MEI4: variants seen among roughly 807,000 people sequenced by gnomAD.
MEI4 encodes meiosis-specific protein MEI4.
A neutral mutation model predicts 31.4 loss-of-function variants in MEI4; 27 were observed. That is an observed-to-expected ratio of 0.86 (90% CI 0.63 to 1.19). MEI4 has a LOEUF of 1.19. Among genes scored for constraint, MEI4 ranks in the 50% most tolerant of loss-of-function variants. The pLI is 0.00. For missense variants in MEI4, 329 were observed against 398.9 expected (o/e 0.82, Z 1.49); for synonymous variants, 122 against 145.4 (o/e 0.84, Z 1.16).
rs574013086 is a variant in MEI4 at position 77,791,317 on chromosome 6, G to A, written c.768+29652G>A. On this transcript the variant is annotated intron_variant, in intron 3 of 4. Coordinates refer to ENST00000684080, the MANE Select transcript of MEI4 (RefSeq NM_001322247.2). ...CAATGATAGACTGGATTAAGAAAAT[G>A]TGGCACATATACACCATGGAATACT... 2.0e-5 allele frequency among the ~76,000 whole-genome samples: 3 copies of A among 152,172 alleles called. No homozygotes were observed. The East Asian group carries it at 5.8e-4, about 29-fold the overall frequency.
chr6:77,712,340 G>A (rs1426021738), intron 2 of MEI4, among the ~76,000 whole-genome samples: 1 of 152,038 alleles, frequency 6.6e-6, no homozygotes, highest in Non-Finnish European at 1.5e-5. Flanking sequence ...AAATAATGGG[G>A]ATATTATCTT....
At chr6:77,694,074 T>C (rs1187558840) in intron 2 of MEI4, among the ~76,000 whole-genome samples, 2 of 151,976 alleles carry the variant, frequency 1.3e-5, no homozygotes, top group Non-Finnish European at 2.9e-5. Context: ...AAGTATGATA[T>C]GCTTTTTCTT....
At chr6:77,709,900 A>G (rs757510768) in intron 2 of MEI4, among the ~76,000 whole-genome samples, 20 of 152,170 alleles carry the variant, frequency 1.3e-4, no homozygotes, top group Non-Finnish European at 1.6e-4. Flanking sequence ...TGTGAACCAC[A>G]ATGCATCTTC....
At chr6:77,756,149 A>G (rs986522775) in intron 2 of MEI4, among the ~76,000 whole-genome samples, 3 of 152,168 alleles carry the variant, frequency 2.0e-5, no homozygotes, top group African/African-American at 4.8e-5. Context: ...TTAAAGGGAC[A>G]AGGATATATT....
chr6:77,676,807 A>C (rs566764894), intron 1 of MEI4, among the ~76,000 whole-genome samples: 1 of 152,054 alleles, frequency 6.6e-6, no homozygotes, highest in South Asian at 2.1e-4. Flanking sequence ...TTCTCTTTCC[A>C]CCATTTCCCC....
intron 3 of MEI4, among the ~76,000 whole-genome samples, chr6:77,771,802 G>A (rs1768326040): frequency 6.6e-6 from 1 of 151,984 alleles, no homozygotes; most frequent in South Asian, 2.1e-4. Context: ...GTTGGTAGGA[G>A]GAGGGAGAAG....
At chr6:77,802,119 G>T (rs528270700) in intron 3 of MEI4, among the ~76,000 whole-genome samples, 2 of 152,196 alleles carry the variant, frequency 1.3e-5, no homozygotes, top group South Asian at 4.1e-4. Flanking sequence ...CTCTTTGTAG[G>T]TCTCTAAGGA....
intron 4 of MEI4, among the ~76,000 whole-genome samples, chr6:77,891,405 A>G (rs1162650355): frequency 6.6e-6 from 1 of 151,930 alleles, no homozygotes; most frequent in African/African-American, 2.4e-5. Flanking sequence ...TCTATTGTTG[A>G]AGATGTCTTT....
At position 77,847,338 on chromosome 6, in the gene MEI4, TTGTC is replaced by T. The variant is rs887867775; in HGVS notation, c.900+18280_900+18283del. Among the ~76,000 whole-genome samples, 1 of 152,140 alleles carries T rather than the reference TTGTC, an allele frequency of 6.6e-6. No homozygotes were observed. The highest frequency in any genetic ancestry group is 1.5e-5 in the Non-Finnish European group (1 of 68,024). The stretch of plus-strand genomic sequence containing the variant: ...ATAAAGCCAATTATTTCCTCTGTAT[TTGTC>T]TGTGCTAGCAGTAAAATGTCAATTA... On this transcript the variant is annotated intron_variant, in intron 4 of 4. Coordinates refer to ENST00000684080, the MANE Select transcript of MEI4 (RefSeq NM_001322247.2). The surrounding 1 kb of genome is among the most constrained non-coding windows in gnomAD (Gnocchi z 4.6).
At chr6:77,857,292 T>A (rs1240742324) in intron 4 of MEI4, among the ~76,000 whole-genome samples, 1 of 152,210 alleles carries the variant, frequency 6.6e-6, no homozygotes, top group Non-Finnish European at 1.5e-5. Context: ...AATTTAATTT[T>A]GTTTGCTATT....
Position 77,747,337 on chromosome 6 carries a change from A to G in MEI4, c.233-13793A>G, listed in dbSNP as rs150573405. 4.7e-4 allele frequency among the ~76,000 whole-genome samples: 72 copies of G among 152,232 alleles called. No homozygotes were observed. In the East Asian group the frequency reaches 6.0e-3, roughly 13 times the overall value. ...CCATCTAAAAAAAAAGAAAAAGAGAAAGGACTGCCTGGAGACTGTATAGTT... is the reference window on the plus strand; with the variant it reads ...CCATCTAAAAAAAAAGAAAAAGAGAGAGGACTGCCTGGAGACTGTATAGTT... On this transcript the variant is annotated intron_variant, in intron 2 of 4. Transcript: ENST00000684080.
chr6:77,837,146 C>G (rs1770239472), intron 4 of MEI4, among the ~76,000 whole-genome samples: 1 of 151,996 alleles, frequency 6.6e-6, no homozygotes, highest in African/African-American at 2.4e-5. Flanking sequence ...GCTCAGCTGG[C>G]AACGAAGATA....
At chr6:77,906,246 T>A (rs1010021017) in intron 4 of MEI4, among the ~76,000 whole-genome samples, 3 of 152,170 alleles carry the variant, frequency 2.0e-5, no homozygotes, top group Non-Finnish European at 2.9e-5. Context: ...TGGTTTTTAA[T>A]GTTTCTTGTT....
chr6:77,790,701 A>C (rs955521249), intron 3 of MEI4, among the ~76,000 whole-genome samples: 1 of 152,190 alleles, frequency 6.6e-6, no homozygotes, highest in Admixed American at 6.6e-5. Context: ...TCATGATCAT[A>C]CTGTGAAAAG....
chr6:77,679,812 C>T (rs1768918758), intron 1 of MEI4, among the ~76,000 whole-genome samples: 1 of 151,132 alleles, frequency 6.6e-6, no homozygotes, highest in South Asian at 2.1e-4. Flanking sequence ...GTGATCTCGG[C>T]TCACTGCAAC....
At chr6:77,761,717 C>T in intron 3 of MEI4, 52 bp downstream of exon 3, 1 of 1,148,646 alleles carries the variant, frequency 8.7e-7, no homozygotes, top group Non-Finnish European at 1.1e-6. Flanking sequence ...TTTTAGTGAA[C>T]ATCTCTTTGG....
chr6:77,696,053 C>T (rs1331975808), intron 2 of MEI4, among the ~76,000 whole-genome samples: 28 of 151,956 alleles, frequency 1.8e-4, no homozygotes, highest in East Asian at 3.9e-4. Context: ...ACTCATGATT[C>T]GGCTCTCTGT....
At chr6:77,815,964 T>C (rs970762023) in intron 3 of MEI4, among the ~76,000 whole-genome samples, 13 of 151,194 alleles carry the variant, frequency 8.6e-5, no homozygotes, top group Middle Eastern at 3.2e-3. Flanking sequence ...TGAGTGCTTA[T>C]AGGCAGAGCC....
chr6:77,770,439 A>G (rs550986753), intron 3 of MEI4, among the ~76,000 whole-genome samples: 2 of 152,268 alleles, frequency 1.3e-5, no homozygotes, highest in Admixed American at 6.5e-5. Context: ...TATACTGCCC[A>G]AAGCAGTTTA....
Sources: gnomAD v4.1 joint callset for allele counts (sites outside exome capture counted in the v4.1 genomes callset) on GRCh38, gnomAD v4.1.1 for gene constraint, Gnocchi (gnomAD v3.1) non-coding constraint, MANE v1.5 for transcripts, NCBI Gene and HGNC (gene_info 2026-07-23, HGNC 2026-07-21) for gene names.